Variants in GALNT5 observed in about 807,000 individuals in gnomAD.
GALNT5 encodes the protein polypeptide N-acetylgalactosaminyltransferase 5.
Under a neutral mutation model 85.4 loss-of-function variants are expected in GALNT5, and 72 were observed. That is an observed-to-expected ratio of 0.84 (90% CI 0.70 to 1.03). The LOEUF is 1.03. Among genes scored for constraint, GALNT5 ranks in the 50% least tolerant of loss-of-function variants. The pLI is 0.00. For synonymous variants in GALNT5, 404 were observed against 397.0 expected (o/e 1.02, Z -0.21); for missense variants, 1,137 against 1,135.5 (o/e 1.00, Z -0.02).
In GALNT5 at chr2:157,312,632, A is replaced by C. The variant is rs1369649347; in HGVS notation, c.*1284A>C. 6.6e-6 allele frequency: 1 copy of C among 152,198 alleles called. No homozygotes were observed. Among genetic ancestry groups the C allele is most frequent in the Non-Finnish European group, 1.5e-5 (1 of 68,016 alleles). The allele number at this position is 152,198 out of a possible 1,614,324, so 9.4% of individuals were successfully genotyped here. On this transcript the variant is annotated 3_prime_UTR_variant, in exon 10 of 10. Transcript: ENST00000259056. ...CCTTAGAAATCAGGATAGCCTTTGCATTCATTTTGGTAAGAAAACTGATGC... is the reference window on the plus strand; with the variant it reads ...CCTTAGAAATCAGGATAGCCTTTGCCTTCATTTTGGTAAGAAAACTGATGC...
chr2:157,282,903 T>C (rs1682887266), intron 1 of GALNT5, among the ~76,000 whole-genome samples: 1 of 152,224 alleles, frequency 6.6e-6, no homozygotes, highest in Non-Finnish European at 1.5e-5. Flanking sequence ...ATGTACAGAA[T>C]AGCACTTTGG....
At position 157,315,561 on chromosome 2, in the gene GALNT5, G is replaced by C. The variant is rs1448745037; in HGVS notation, c.*4213G>C. Among the ~76,000 whole-genome samples, 1 of 152,070 alleles carries C rather than the reference G, an allele frequency of 6.6e-6. No individual in the cohort carries two copies. Among genetic ancestry groups the C allele is most frequent in the African/African-American group, 2.4e-5 (1 of 41,414 alleles). On this transcript the variant is annotated 3_prime_UTR_variant, in exon 10 of 10. Coordinates refer to ENST00000259056, the MANE Select transcript of GALNT5 (RefSeq NM_014568.3). ...GCCTCTTTTGGATGTTGTATAAACA[G>C]AAAAAAGAAGCATGGTCTCTCTCTC...
At position 157,308,615 on chromosome 2, in the gene GALNT5, T is replaced by C; in HGVS notation, c.2569T>C (p.Trp857Arg). 1 of 1,613,552 alleles carries C rather than the reference T, an allele frequency of 6.2e-7. No individual in the cohort carries two copies. The highest frequency in any genetic ancestry group is 1.3e-5 in the African/African-American group (1 of 75,024). Residue 857 changes from tryptophan (W) to arginine (R), a missense_variant, in exon 9 of 10, where the codon TGG becomes CGG. Transcript: ENST00000259056. ...GTTAAGACTTATTAAATGTGGAGAATGGTGTATAGCCCCCATCCCTGATAA... is the reference window on the plus strand; with the variant it reads ...GTTAAGACTTATTAAATGTGGAGAACGGTGTATAGCCCCCATCCCTGATAA... ...TWLRLIKCGE[W>R]CIAPIPDKGA... is the part of the protein sequence containing the mutation.
At chr2:157,294,858 T>C (rs952729646) in intron 3 of GALNT5, among the ~76,000 whole-genome samples, 2 of 151,672 alleles carry the variant, frequency 1.3e-5, no homozygotes, top group African/African-American at 2.4e-5. Context: ...GCAATGTAGA[T>C]GCTACTGAGG....
At chr2:157,270,340 C>A (rs537311494) in intron 1 of GALNT5, among the ~76,000 whole-genome samples, 6 of 152,254 alleles carry the variant, frequency 3.9e-5, no homozygotes, top group Admixed American at 1.3e-4. Flanking sequence ...TTGGCATCTC[C>A]AGTTTCAGGA....
At chr2:157,262,805 T>C (rs2105144443) in intron 1 of GALNT5, among the ~76,000 whole-genome samples, 1 of 149,420 alleles carries the variant, frequency 6.7e-6, no homozygotes, top group South Asian at 2.1e-4. Context: ...ATGTTAAGAT[T>C]CAATTTCACA....
chr2:157,265,015 A>G (rs1433187744), intron 1 of GALNT5, among the ~76,000 whole-genome samples: 2 of 151,362 alleles, frequency 1.3e-5, no homozygotes, highest in Non-Finnish European at 3.0e-5. Context: ...GGAGGCAGGG[A>G]AAAAAAAACC....
chr2:157,284,318 C>G lies in GALNT5; in HGVS notation c.1491C>G (p.Thr497=). 1 of 1,613,996 alleles carries G rather than the reference C, an allele frequency of 6.2e-7. No individual in the cohort carries two copies. The highest frequency in any genetic ancestry group is 8.5e-7 in the Non-Finnish European group (1 of 1,179,898). ...AGCTAGTTCACAATAACCTCCCAAC[C>G]ACCAGTGTCATCATGTGCTTTGTGG... ...AEQLVHNNLP[T]TSVIMCFVDE... The change falls in exon 2 of 10, where the codon ACC becomes ACG. Residue 497 remains threonine, a synonymous_variant. Coordinates refer to ENST00000259056, the MANE Select transcript of GALNT5 (RefSeq NM_014568.3).
intron 2 of GALNT5, among the ~76,000 whole-genome samples, 162 bp from the exon 3 acceptor site, chr2:157,285,853 C>T (rs182764199): frequency 1.1e-4 from 16 of 152,236 alleles, no homozygotes; most frequent in Admixed American, 8.5e-4. Context: ...TAGAATCCTT[C>T]CAAGAAAATG....
At position 157,258,522 on chromosome 2, in the gene GALNT5, G is replaced by A; in HGVS notation, c.440G>A (p.Arg147Lys). The change falls in exon 1 of 10, where the codon AGA (arginine) becomes AAA (lysine). Residue 147 changes from arginine to lysine, a missense_variant. Arg to Lys is a conservative substitution (Grantham distance 26). Transcript: ENST00000259056. ...CCTAACAAGCAGAAGACAGACGGGA[G>A]AGGCACCAAACCTGAAGCCTCCTCT... is the stretch of plus-strand genomic sequence containing the variant. ...VTPNKQKTDG[R>K]GTKPEASSHQ... 1 of 1,612,372 alleles carries A rather than the reference G, an allele frequency of 6.2e-7. No homozygotes were observed. Among genetic ancestry groups the A allele is most frequent in the Non-Finnish European group, 8.5e-7 (1 of 1,179,676 alleles).
chr2:157,286,184 A>G (rs1481537965), intron 3 of GALNT5, 50 bp downstream of exon 3: 1 of 1,488,670 alleles, frequency 6.7e-7, no homozygotes. Context: ...TTTAATTTAA[A>G]ATGTTTCTCA....
intron 1 of GALNT5, among the ~76,000 whole-genome samples, chr2:157,264,895 G>A (rs1364228016): frequency 6.6e-6 from 1 of 151,960 alleles, no homozygotes; most frequent in African/African-American, 2.4e-5. Flanking sequence ...TTTTACATGG[G>A]ACACAAATCT....
Position 157,275,597 on chromosome 2 carries a change from G to A in GALNT5, c.1455-8685G>A, listed in dbSNP as rs376358253. 3.9e-3 allele frequency among the ~76,000 whole-genome samples: 588 copies of A among 152,222 alleles called. 3 individuals are homozygous for A. Among genetic ancestry groups the A allele is most frequent in the African/African-American group, 0.013 (543 of 41,544 alleles). On this transcript the variant is annotated intron_variant, in intron 1 of 9. Coordinates refer to ENST00000259056, the MANE Select transcript of GALNT5 (RefSeq NM_014568.3). ...ATTCTCATTGTGGCAATTGTGAATC[G>A]GAGTTCACTAATGATTTGGCTTTCT...
chr2:157,313,423 T>C lies in GALNT5; in HGVS notation c.*2075T>C, dbSNP rs1683620253. ...GCCTAATGACACATTTCTCAGAATG[T>C]ATTTGTGTTATTAAATGATGCATGA... On this transcript the variant is annotated 3_prime_UTR_variant, in exon 10 of 10. Coordinates refer to ENST00000259056, the MANE Select transcript of GALNT5 (RefSeq NM_014568.3). 1 of 152,202 alleles carries C rather than the reference T, an allele frequency of 6.6e-6. No individual in the cohort carries two copies. The highest frequency in any genetic ancestry group is 1.5e-5 in the Non-Finnish European group (1 of 68,036). 9.4% of individuals were successfully genotyped at this position (152,202 alleles called of 1,614,324 possible).
chr2:157,264,763 G>T (rs1003996637), intron 1 of GALNT5, among the ~76,000 whole-genome samples: 1 of 152,084 alleles, frequency 6.6e-6, no homozygotes, highest in African/African-American at 2.4e-5. Context: ...GGAGGAGGGG[G>T]AGGAGACAGA....
rs1406214121 is a variant in GALNT5 at position 157,258,698 on chromosome 2, G to C, written c.616G>C (p.Asp206His). Reference sequence around the variant, plus strand: ...CCGGAAGAGTCATAGTCCCAGCAGTGACACATCAAAACTAGCAGCTGAAAG... The same window carrying C: ...CCGGAAGAGTCATAGTCCCAGCAGTCACACATCAAAACTAGCAGCTGAAAG... ...EPRKSHSPSS[D>H]TSKLAAERDL... The change falls in exon 1 of 10, where the codon GAC (aspartate) becomes CAC (histidine). Residue 206 changes from aspartate (D) to histidine (H), a missense_variant. Transcript: ENST00000259056. 1 of 1,613,932 alleles carries C rather than the reference G, an allele frequency of 6.2e-7. No homozygotes were observed. Among genetic ancestry groups the C allele is most frequent in the South Asian group, 1.1e-5 (1 of 91,056 alleles).
chr2:157,311,410 G>T lies in GALNT5; in HGVS notation c.*62G>T. On this transcript the variant is annotated 3_prime_UTR_variant, in exon 10 of 10. Transcript: ENST00000259056. ...ATACTGTGAAAATAACACTGAACTT[G>T]GAAACTATATTTCTCAGCGGTAGTT... The T allele has an allele frequency of 9.2e-7, 1 of 1,090,042 alleles. No individual in the cohort carries two copies. Among genetic ancestry groups the T allele is most frequent in the Non-Finnish European group, 1.3e-6 (1 of 761,636 alleles). The allele number at this position is 1,090,042 out of a possible 1,614,324, so 67.5% of individuals were successfully genotyped here.
chr2:157,303,925 G>A (rs553648227), intron 7 of GALNT5, among the ~76,000 whole-genome samples: 32 of 152,160 alleles, frequency 2.1e-4, no homozygotes, highest in Admixed American at 7.2e-4. Flanking sequence ...AGAAACATTT[G>A]TACAACATTC....
At chr2:157,296,623 C>G in intron 5 of GALNT5, 110 bp downstream of exon 5, 2 of 804,144 alleles carry the variant, frequency 2.5e-6, no homozygotes, top group Non-Finnish European at 3.9e-6. Context: ...CATTAAGAAT[C>G]ACAGTTCTAG....
Sources: allele counts gnomAD v4.1 joint callset (sites outside exome capture counted in the v4.1 genomes callset), GRCh38; gene constraint gnomAD v4.1.1; transcripts MANE v1.5; gene names NCBI Gene and HGNC (gene_info 2026-07-23, HGNC 2026-07-21).